METTL26: variants seen among roughly 807,000 people sequenced by gnomAD.
The protein encoded by METTL26 is methyltransferase-like 26.
A neutral mutation model predicts 24.7 loss-of-function variants in METTL26; 28 were observed. The observed-to-expected ratio is 1.13, with a 90% CI of 0.84 to 1.55. METTL26 has a LOEUF of 1.55. METTL26 is among the 40% of genes most tolerant of loss of function. The probability of loss-of-function intolerance (pLI) is 0.00; values close to 1 mark genes in which losing one functional copy is unlikely to be tolerated. For missense variants in METTL26, 344 were observed against 281.2 expected, an observed-to-expected ratio of 1.22 and a Z score of -1.60; for synonymous variants, 165 against 125.2, an observed-to-expected ratio of 1.32 and a Z score of -2.12.
chr16:635,260 G>A lies in METTL26; in HGVS notation c.420+21C>T, dbSNP rs186547091. On this transcript the variant is annotated intron_variant, in intron 3 of 5. Coordinates refer to ENST00000301686, the MANE Select transcript of METTL26 (RefSeq NM_032366.5). Reference sequence around the variant, plus strand: ...AGCTAGGACTGGGAGCGGGAGGCCCGCCGTGGACAGGCCCACTCACCCCGT... The same window carrying A: ...AGCTAGGACTGGGAGCGGGAGGCCCACCGTGGACAGGCCCACTCACCCCGT... 7.1e-4 allele frequency: 1,114 copies of A among 1,561,624 alleles called. 7 individuals carry two copies. In the African/African-American group the frequency reaches 0.013, roughly 18 times the overall value.
At position 635,708 on chromosome 16, in the gene METTL26, C is replaced by A. The variant is rs13335061; in HGVS notation, c.264G>T (p.Thr88=). The change falls in exon 2 of 6, where the codon ACG becomes ACT. Residue 88 remains threonine (T), a synonymous_variant. Coordinates refer to ENST00000301686, the MANE Select transcript of METTL26 (RefSeq NM_032366.5). ...TCCCGCCCCAGTGCTCCCAGCCCCA[C>A]GTCACGTCCAGGTGTAGCGGGGCCT... ...NVKAPLHLDV[T]WGWEHWGGIL... is the part of the protein sequence containing the mutation. 4 of 1,568,382 alleles carry A rather than the reference C, an allele frequency of 2.6e-6. No homozygotes were observed. The South Asian group carries it at 3.5e-5, about 14-fold the overall frequency.
intron 1 of METTL26, 110 bp from the exon 2 acceptor site, chr16:635,884 C>A: frequency 7.1e-7 from 1 of 1,410,646 alleles, no homozygotes; most frequent in Non-Finnish European, 9.3e-7. Context: ...GAGCGGAGAC[C>A]AAAGCGGCTG....
intron 2 of METTL26, 60 bp from the exon 3 acceptor site, chr16:635,400 G>T: frequency 6.7e-7 from 1 of 1,500,038 alleles, no homozygotes; most frequent in Non-Finnish European, 9.1e-7. Context: ...CAGGCCCTGA[G>T]GCTGGAGACC....
chr16:635,714 G>C lies in METTL26; in HGVS notation c.258C>G (p.Asp86Glu), dbSNP rs749089295. ...LTNVKAPLHL[D>E]VTWGWEHWGG... ...CCCAGTGCTCCCAGCCCCACGTCAC[G>C]TCCAGGTGTAGCGGGGCCTTCACGT... The change falls in exon 2 of 6, where the codon GAC becomes GAG. Residue 86 changes from aspartate to glutamate, a missense_variant. Transcript: ENST00000301686. The C allele has an allele frequency of 5.1e-6, 8 of 1,571,416 alleles. No individual in the cohort carries two copies. Among genetic ancestry groups the C allele is most frequent in the South Asian group, 1.2e-5 (1 of 85,568 alleles).
At position 635,272 on chromosome 16, in the gene METTL26, C is replaced by T. The variant is rs764379357; in HGVS notation, c.420+9G>A. On this transcript the variant is annotated intron_variant, in intron 3 of 5. Transcript: ENST00000301686. ...GAGCGGGAGGCCCGCCGTGGACAGG[C>T]CCACTCACCCCGTAGGTGATGAGCA... The T allele has an allele frequency of 8.4e-5, 133 of 1,574,566 alleles. No homozygotes were observed. Among genetic ancestry groups the T allele is most frequent in the Non-Finnish European group, 1.1e-4 (130 of 1,157,042 alleles).
intron 3 of METTL26, 138 bp from the exon 4 acceptor site, chr16:635,094 G>C (rs2037067873): frequency 6.6e-7 from 1 of 1,513,342 alleles, no homozygotes; most frequent in Admixed American, 2.3e-5. Flanking sequence ...GCCAAGGCCA[G>C]CCTGGTGGGC....
In METTL26 at chr16:634,468, C is replaced by T; in HGVS notation, c.*129G>A. On this transcript the variant is annotated 3_prime_UTR_variant, in exon 6 of 6. Transcript: ENST00000301686. ...ATGCTTTATTCTGAGCAGGCTGGGC[C>T]CTTCGGCCAGCGGCTGAGAGCACAG... is the stretch of plus-strand genomic sequence containing the variant. 3 of 1,556,326 alleles carry T rather than the reference C, an allele frequency of 1.9e-6. No individual in the cohort carries two copies. The highest frequency in any genetic ancestry group is 2.7e-6 in the Non-Finnish European group (3 of 1,129,788).
intron 1 of METTL26, 41 bp downstream of exon 1, chr16:636,053 G>A: frequency 7.0e-7 from 1 of 1,431,722 alleles, no homozygotes; most frequent in Non-Finnish European, 9.1e-7. Context: ...TGAGGCCCCG[G>A]ACCGCCGCAC....
chr16:634,848 C>T (rs1022451772), intron 4 of METTL26, 41 bp downstream of exon 4: 28 of 1,574,702 alleles, frequency 1.8e-5, no homozygotes, highest in Non-Finnish European at 2.4e-5. Context: ...CCACCCAAGC[C>T]ACCTGCCACC....
intron 1 of METTL26, 93 bp from the exon 2 acceptor site, chr16:635,867 C>A: frequency 7.0e-7 from 1 of 1,437,104 alleles, no homozygotes; most frequent in Non-Finnish European, 9.2e-7. Context: ...CTGGGGGGCA[C>A]GTTGAGGAGC....
At position 636,232 on chromosome 16, in the gene METTL26, T is replaced by C. The variant is rs1310258694; in HGVS notation, c.59A>G (p.Gln20Arg). 2 of 1,492,426 alleles carry C rather than the reference T, an allele frequency of 1.3e-6. No individual in the cohort carries two copies. The highest frequency in any genetic ancestry group is 1.8e-6 in the Non-Finnish European group (2 of 1,127,244). The allele number at this position is 1,492,426 out of a possible 1,614,324, so 92.4% of individuals were successfully genotyped here. ...GCCACGCTGGGCCGGATCCAGGTAC[T>C]GCCGCAGCACGTGCAAGATGGGATC... Reference protein sequence around the residue: ...NKDPILHVLRQYLDPAQRGVR... With the variant: ...NKDPILHVLRRYLDPAQRGVR... Residue 20 changes from glutamine (Q) to arginine (R), a missense_variant, in exon 1 of 6, where the codon CAG (glutamine) becomes CGG (arginine). By Grantham distance (43) the Gln-to-Arg change is conservative. Coordinates refer to ENST00000301686, the MANE Select transcript of METTL26 (RefSeq NM_032366.5).
chr16:635,109 G>A (rs964211489), intron 3 of METTL26, 153 bp from the exon 4 acceptor site: 3 of 1,499,144 alleles, frequency 2.0e-6, no homozygotes, highest in South Asian at 2.6e-5. Context: ...GTGGGCAAGG[G>A]GGTAGGGAGG....
At chr16:635,255 G>T in intron 3 of METTL26, 26 bp downstream of exon 3, 1 of 1,554,620 alleles carries the variant, frequency 6.4e-7, no homozygotes, top group East Asian at 2.3e-5. Context: ...GGGAGCGGGA[G>T]GCCCGCCGTG....
rs373878833 is a variant in METTL26 at position 634,769 on chromosome 16, C to T, written c.517G>A (p.Ala173Thr). 1.9e-6 allele frequency: 3 copies of T among 1,612,124 alleles called. No homozygotes were observed. Among genetic ancestry groups the T allele is most frequent in the African/African-American group, 2.7e-5 (2 of 74,934 alleles). The change falls in exon 5 of 6, where the codon GCC becomes ACC. Residue 173 changes from alanine (A) to threonine (T), a missense_variant. Ala to Thr is a moderately conservative substitution (Grantham distance 58). Coordinates refer to ENST00000301686, the MANE Select transcript of METTL26 (RefSeq NM_032366.5). ...RNPEWGLRDT[A>T]LLEDLGKASG... ...GCCTTTCCCAGGTCCTCCAGGAGGG[C>T]TGTGTCCCGAAGCCCCCATTCTGGG...
chr16:635,264 T>C lies in METTL26; in HGVS notation c.420+17A>G. The C allele has an allele frequency of 6.4e-7, 1 of 1,566,420 alleles. No individual in the cohort carries two copies. Among genetic ancestry groups the C allele is most frequent in the East Asian group, 2.3e-5 (1 of 43,246 alleles). On this transcript the variant is annotated intron_variant, in intron 3 of 5. Coordinates refer to ENST00000301686, the MANE Select transcript of METTL26 (RefSeq NM_032366.5). ...AGGACTGGGAGCGGGAGGCCCGCCGTGGACAGGCCCACTCACCCCGTAGGT... is the reference window on the plus strand; with the variant it reads ...AGGACTGGGAGCGGGAGGCCCGCCGCGGACAGGCCCACTCACCCCGTAGGT...
In METTL26 at chr16:635,701, AG is replaced by A; in HGVS notation, c.270del (p.Trp91GlyfsTer68). On this transcript the variant is annotated frameshift_variant, in exon 2 of 6. Transcript: ENST00000301686. LOFTEE classifies it high-confidence loss of function. ...GGCAGGATCCCGCCCCAGTGCTCCC[AG>A]CCCCACGTCACGTCCAGGTGTAGCG... ...KAPLHLDVTWGWEHWGGILPQ... is the reference protein window; with the variant it reads ...KAPLHLDVTWXWEHWGGILPQ... 1.3e-6 allele frequency: 2 copies of A among 1,565,006 alleles called. No homozygotes were observed. The highest frequency in any genetic ancestry group is 1.7e-6 in the Non-Finnish European group (2 of 1,155,908).
intron 1 of METTL26, 100 bp from the exon 2 acceptor site, chr16:635,874 G>T: frequency 7.0e-7 from 1 of 1,431,152 alleles, no homozygotes; most frequent in South Asian, 1.4e-5. Flanking sequence ...GCACGTTGAG[G>T]AGCGGAGACC....
At chr16:635,376 C>A in intron 2 of METTL26, 36 bp from the exon 3 acceptor site, 2 of 1,566,490 alleles carry the variant, frequency 1.3e-6, no homozygotes, top group South Asian at 1.2e-5. Flanking sequence ...TGAGGTGCTG[C>A]CCCCAACAGA....
intron 2 of METTL26, 87 bp downstream of exon 2, chr16:635,525 G>A (rs981484132): frequency 1.1e-5 from 16 of 1,517,962 alleles, no homozygotes; most frequent in East Asian, 2.5e-5. Context: ...CACCCCGACT[G>A]TGATGGGGGC....
Sources: allele counts gnomAD v4.1 joint callset, GRCh38; gene constraint gnomAD v4.1.1; transcripts MANE v1.5; gene names NCBI Gene and HGNC (gene_info 2026-07-23, HGNC 2026-07-21).